The following ANKFN1 variants were observed in gnomAD, a reference collection of about 807,000 sequenced individuals.
ANKFN1 encodes ankyrin repeat and fibronectin type III domain containing 1.
A neutral mutation model predicts 108.7 loss-of-function variants in ANKFN1; 74 were observed. That is an observed-to-expected ratio of 0.68 (90% CI 0.56 to 0.83). The LOEUF (loss-of-function observed/expected upper bound fraction) is 0.83, where lower values mean the gene tolerates loss of function less well. Among genes scored for constraint, ANKFN1 ranks in the 40% least tolerant of loss-of-function variants. The pLI, the probability that ANKFN1 is intolerant of heterozygous loss-of-function variation, is 0.00. For synonymous variants in ANKFN1, 547 were observed against 516.2 expected (o/e 1.06, Z -0.81); for missense variants, 1,505 against 1,382.3 (o/e 1.09, Z -1.41).
intron 14 of ANKFN1, among the ~76,000 whole-genome samples, chr17:56,458,842 T>C (rs1277807273): frequency 1.3e-5 from 2 of 152,218 alleles, no homozygotes; most frequent in Non-Finnish European, 2.9e-5. Flanking sequence ...CCAGGCCATG[T>C]AGGTCACAGC....
chr17:56,267,511 C>T (rs2043683312), intron 3 of ANKFN1, among the ~76,000 whole-genome samples: 1 of 152,066 alleles, frequency 6.6e-6, no homozygotes, highest in South Asian at 2.1e-4. Context: ...AATAGTATTT[C>T]CTAGGTTAGT....
chr17:56,337,370 C>A (rs1383911634), intron 4 of ANKFN1, among the ~76,000 whole-genome samples: 2 of 152,054 alleles, frequency 1.3e-5, no homozygotes, highest in Non-Finnish European at 2.9e-5. Context: ...CTTTGTAGGT[C>A]TCTAAGGACT....
intron 6 of ANKFN1, among the ~76,000 whole-genome samples, chr17:56,368,572 G>A (rs558459453): frequency 1.3e-5 from 2 of 151,594 alleles, no homozygotes; most frequent in Non-Finnish European, 1.5e-5. Context: ...GAGCCACCGC[G>A]CCCGGCTGAA....
intron 20 of ANKFN1, 50 bp downstream of exon 20, chr17:56,499,148 C>A: frequency 1.3e-6 from 2 of 1,487,128 alleles, no homozygotes; most frequent in East Asian, 2.5e-5. Flanking sequence ...GACTTTTGAT[C>A]CTCTCTTCAC....
intron 1 of ANKFN1, among the ~76,000 whole-genome samples, chr17:56,161,036 T>C (rs1425242833): frequency 1.3e-5 from 2 of 152,154 alleles, no homozygotes; most frequent in East Asian, 1.9e-4. Flanking sequence ...ATGCCAAAGG[T>C]CAAATAGAAT....
intron 1 of ANKFN1, among the ~76,000 whole-genome samples, chr17:56,166,422 G>T (rs934609052): frequency 6.6e-6 from 1 of 152,084 alleles, no homozygotes; most frequent in Non-Finnish European, 1.5e-5. Context: ...CATCCATGCC[G>T]TCACTTCCAA....
At position 56,193,460 on chromosome 17, in the gene ANKFN1, T is replaced by A. The variant is rs572021818; in HGVS notation, c.-70-19138T>A. Among the ~76,000 whole-genome samples the A allele has an allele frequency of 2.1e-3, 318 of 150,492 alleles. 2 individuals are homozygous for A. Among genetic ancestry groups the A allele is most frequent in the African/African-American group, 7.4e-3 (299 of 40,386 alleles). ...AGTGCATAATTTATTTGTAGCGTTT[T>A]TAAAAAAAAACAAAAAAAATACAGC... On this transcript the variant is annotated intron_variant, in intron 1 of 20. Coordinates refer to ENST00000682825, the MANE Select transcript of ANKFN1 (RefSeq NM_001370326.1).
At chr17:56,130,042 G>A (rs780699735) in intron 4 of ANKFN1, among the ~76,000 whole-genome samples, 14 of 152,304 alleles carry the variant, frequency 9.2e-5, no homozygotes, top group African/African-American at 2.4e-4. Context: ...GATTAGAGCC[G>A]TCCCAGGGCC....
At chr17:56,396,885 C>T (rs1463393903) in intron 8 of ANKFN1, among the ~76,000 whole-genome samples, 1 of 152,054 alleles carries the variant, frequency 6.6e-6, no homozygotes, top group Non-Finnish European at 1.5e-5. Flanking sequence ...TTCCACCACC[C>T]ATCAGCTTAA....
At chr17:56,451,045 A>G (rs1462377720) in intron 11 of ANKFN1, among the ~76,000 whole-genome samples, 1 of 152,200 alleles carries the variant, frequency 6.6e-6, no homozygotes, top group East Asian at 1.9e-4. Context: ...TTTATATGAA[A>G]TATACTCTGG....
chr17:56,237,341 G>T (rs1917228860), intron 3 of ANKFN1, among the ~76,000 whole-genome samples: 1 of 152,098 alleles, frequency 6.6e-6, no homozygotes, highest in African/African-American at 2.4e-5. Flanking sequence ...AATTGTACCA[G>T]CTCTAAACAC....
At chr17:56,353,598 T>G (rs12602961) in intron 5 of ANKFN1, among the ~76,000 whole-genome samples, 1 of 151,964 alleles carries the variant, frequency 6.6e-6, no homozygotes, top group Non-Finnish European at 1.5e-5. Flanking sequence ...TTTGCTCTTA[T>G]CTACAGCCCA....
intron 3 of ANKFN1, among the ~76,000 whole-genome samples, chr17:56,271,790 G>A (rs551520690): frequency 1.3e-5 from 2 of 152,310 alleles, no homozygotes; most frequent in South Asian, 4.2e-4. Flanking sequence ...TGCATCCGGG[G>A]CTGGGTAAGC....
intron 8 of ANKFN1, among the ~76,000 whole-genome samples, chr17:56,422,863 G>T (rs1022995751): frequency 6.6e-6 from 1 of 152,162 alleles, no homozygotes; most frequent in African/African-American, 2.4e-5. Flanking sequence ...AACTCTGCTG[G>T]ACTCTAGCTT....
intron 4 of ANKFN1, among the ~76,000 whole-genome samples, chr17:56,068,255 T>G (rs951184527): frequency 1.3e-5 from 2 of 152,050 alleles, no homozygotes; most frequent in Non-Finnish European, 2.9e-5. Context: ...GATGTCACAC[T>G]CCAATGAGTG....
At position 56,134,044 on chromosome 17, in the gene ANKFN1, A is replaced by T. The variant is rs532373750; in HGVS notation, c.288+87719A>T. ...TACCTATACTATACAAGTATACTGT[A>T]TAGGTATATGGGCTGTAAATTGTGG... On this transcript the variant is annotated intron_variant, in intron 4 of 12. Transcript: ENST00000635860. Among the ~76,000 whole-genome samples the T allele has an allele frequency of 3.6e-4, 55 of 152,282 alleles. 1 individual carries two copies. In the South Asian group the frequency reaches 0.011, roughly 29 times the overall value.
intron 3 of ANKFN1, among the ~76,000 whole-genome samples, chr17:56,285,595 A>G (rs1262841812): frequency 2.0e-5 from 3 of 152,102 alleles, no homozygotes; most frequent in African/African-American, 4.8e-5. Flanking sequence ...CTTTTCTGTC[A>G]TTAAAACTGG....
intron 3 of ANKFN1, among the ~76,000 whole-genome samples, chr17:56,287,545 T>C (rs1348743110): frequency 1.3e-5 from 2 of 152,166 alleles, no homozygotes; most frequent in East Asian, 3.8e-4. Context: ...ACCTAACAGC[T>C]GATACACTAC....
intron 8 of ANKFN1, among the ~76,000 whole-genome samples, chr17:56,408,376 C>A (rs1355099220): frequency 2.0e-5 from 3 of 152,148 alleles, no homozygotes; most frequent in African/African-American, 7.2e-5. Flanking sequence ...CATTTCTTTT[C>A]TTCGAGACAC....
Sources: gnomAD v4.1 joint callset for allele counts (sites outside exome capture counted in the v4.1 genomes callset) on GRCh38, gnomAD v4.1.1 for gene constraint, MANE v1.5 for transcripts, NCBI Gene and HGNC (gene_info 2026-07-23, HGNC 2026-07-21) for gene names.